POU6F2: variants seen among roughly 807,000 people sequenced by gnomAD.
POU6F2 encodes the protein POU domain, class 6, transcription factor 2.
In POU6F2, 31 loss-of-function variants were observed where a neutral mutation model predicts 71.3. That is an observed-to-expected ratio of 0.43 (90% CI 0.33 to 0.59). The LOEUF (loss-of-function observed/expected upper bound fraction) is 0.59. POU6F2 is among the 20% of genes least tolerant of loss of function. The pLI, the probability that POU6F2 is intolerant of heterozygous loss-of-function variation, is 0.04. For missense variants in POU6F2, 783 were observed against 856.8 expected, an observed-to-expected ratio of 0.91 and a Z score of 1.07; for synonymous variants, 347 against 355.7, an observed-to-expected ratio of 0.98 and a Z score of 0.27.
intron 5 of POU6F2, among the ~76,000 whole-genome samples, chr7:39,405,703 A>G (rs541386674): frequency 6.6e-6 from 1 of 152,334 alleles, no homozygotes; most frequent in African/African-American, 2.4e-5. Context: ...TTGAAGCCAC[A>G]CTTCTGCCTC....
At chr7:39,335,128 A>G (rs1785740427) in intron 4 of POU6F2, among the ~76,000 whole-genome samples, 1 of 152,180 alleles carries the variant, frequency 6.6e-6, no homozygotes, top group Non-Finnish European at 1.5e-5. Flanking sequence ...CTTACCATCA[A>G]GGTAAACTAG....
chr7:39,268,003 G>C lies in POU6F2; in HGVS notation c.598+60383G>C, dbSNP rs76062245. Reference sequence around the variant, plus strand: ...GGAAGGGGTTACTCAGATTGATCCTGAAGGTGCACCCCACAGCAATCCCAC... The same window carrying C: ...GGAAGGGGTTACTCAGATTGATCCTCAAGGTGCACCCCACAGCAATCCCAC... On this transcript the variant is annotated intron_variant, in intron 4 of 9. Transcript: ENST00000518318. Among the ~76,000 whole-genome samples, 1,078 of 152,284 alleles carry C rather than the reference G, an allele frequency of 7.1e-3. 22 individuals are homozygous for C. The highest frequency in any genetic ancestry group is 0.025 in the African/African-American group (1,035 of 41,540).
At chr7:39,019,311 A>G (rs1457785786) in intron 1 of POU6F2, among the ~76,000 whole-genome samples, 1 of 152,206 alleles carries the variant, frequency 6.6e-6, no homozygotes, top group African/African-American at 2.4e-5. Context: ...TCTGAAACCA[A>G]TTTGGTCCTT....
At chr7:39,072,295 A>G (rs1162182757) in intron 1 of POU6F2, among the ~76,000 whole-genome samples, 1 of 152,222 alleles carries the variant, frequency 6.6e-6, no homozygotes, top group Admixed American at 6.5e-5. Context: ...GGGCACAGGT[A>G]CATCAGTTCA....
At chr7:39,034,682 A>G (rs1194865744) in intron 1 of POU6F2, among the ~76,000 whole-genome samples, 1 of 152,130 alleles carries the variant, frequency 6.6e-6, no homozygotes, top group Non-Finnish European at 1.5e-5. Flanking sequence ...TGAGCTTCAA[A>G]TGCGGGTTGG....
At position 39,035,721 on chromosome 7, in the gene POU6F2, CT is replaced by C. The variant is rs113214528; in HGVS notation, c.106-50128del. On this transcript the variant is annotated intron_variant, in intron 1 of 9. Coordinates refer to ENST00000518318, the MANE Select transcript of POU6F2 (RefSeq NM_001370959.1). ...TTTGCCACTGAATTGCTACTTGGTGCTTTTTTTTTTTCTCCACTCTAAAAGA... is the reference window on the plus strand; with the variant it reads ...TTTGCCACTGAATTGCTACTTGGTGCTTTTTTTTTTCTCCACTCTAAAAGA... 8.0e-3 allele frequency among the ~76,000 whole-genome samples: 1,162 copies of C among 145,146 alleles called. 9 individuals are homozygous for C. Among genetic ancestry groups the C allele is most frequent in the South Asian group, 0.015 (68 of 4,596 alleles).
chr7:39,254,200 A>G (rs562290633), intron 4 of POU6F2, among the ~76,000 whole-genome samples: 1 of 152,364 alleles, frequency 6.6e-6, no homozygotes, highest in African/African-American at 2.4e-5. Context: ...TATTTGCAGA[A>G]AAGCTGGAAG....
chr7:39,036,685 G>A (rs896141291), intron 1 of POU6F2, among the ~76,000 whole-genome samples: 1 of 151,540 alleles, frequency 6.6e-6, no homozygotes, highest in Non-Finnish European at 1.5e-5. Context: ...AAAATCTTAT[G>A]TCTTATACTC....
At chr7:39,097,296 G>A (rs745854537) in intron 2 of POU6F2, among the ~76,000 whole-genome samples, 1 of 152,074 alleles carries the variant, frequency 6.6e-6, no homozygotes, top group Non-Finnish European at 1.5e-5. Context: ...TTTGGTAGGG[G>A]CATGTTTATA....
At chr7:39,442,048 C>T (rs1788418198) in intron 7 of POU6F2, among the ~76,000 whole-genome samples, 1 of 152,242 alleles carries the variant, frequency 6.6e-6, no homozygotes, top group East Asian at 1.9e-4. Context: ...CCATTTGGCT[C>T]CTGATCCAAC....
intron 1 of POU6F2, among the ~76,000 whole-genome samples, chr7:38,987,070 T>C (rs1380897439): frequency 6.6e-6 from 1 of 152,104 alleles, no homozygotes; most frequent in African/African-American, 2.4e-5. Flanking sequence ...TCTCTTAACA[T>C]AAAAGATTTC....
chr7:39,058,706 AT>A (rs1338981780), intron 1 of POU6F2, among the ~76,000 whole-genome samples: 1 of 152,220 alleles, frequency 6.6e-6, no homozygotes, highest in Non-Finnish European at 1.5e-5. Context: ...AGAATAAATT[AT>A]TCTTTACATG....
intron 5 of POU6F2, among the ~76,000 whole-genome samples, chr7:39,375,590 G>A (rs911595725): frequency 1.3e-5 from 2 of 151,596 alleles, no homozygotes; most frequent in East Asian, 1.9e-4. Flanking sequence ...TGGGACACAG[G>A]GACTCGATGG....
intron 1 of POU6F2, among the ~76,000 whole-genome samples, chr7:39,024,090 T>C (rs565726241): frequency 6.6e-6 from 1 of 152,308 alleles, no homozygotes; most frequent in East Asian, 1.9e-4. Flanking sequence ...ATAAATTACC[T>C]TGGGCAGTAT....
chr7:39,123,941 AATATAAATTGCAT>A (rs1792094461), intron 2 of POU6F2, among the ~76,000 whole-genome samples: 1 of 152,176 alleles, frequency 6.6e-6, no homozygotes, highest in South Asian at 2.1e-4. Context: ...GCATAGATGC[AATATAAATTGCAT>A]ACCACTGTGA....
chr7:39,162,291 T>C (rs1793013243), intron 2 of POU6F2, among the ~76,000 whole-genome samples: 1 of 152,202 alleles, frequency 6.6e-6, no homozygotes, highest in Admixed American at 6.5e-5. Flanking sequence ...GATATTTTAA[T>C]TTGTATTTTA....
Position 39,430,619 on chromosome 7 carries a change from A to G in POU6F2, c.1114-2458A>G, listed in dbSNP as rs143870767. Among the ~76,000 whole-genome samples the G allele has an allele frequency of 4.2e-3, 640 of 152,334 alleles. 8 individuals carry two copies. Among genetic ancestry groups the G allele is most frequent in the African/African-American group, 0.015 (605 of 41,574 alleles). On this transcript the variant is annotated intron_variant, in intron 6 of 9. Coordinates refer to ENST00000518318, the MANE Select transcript of POU6F2 (RefSeq NM_001370959.1). ...GTATTTCATTACTGCAGAGGTGAGC[A>G]CAGGCTGGTGTCAATCTTCCCGGGA... is the stretch of plus-strand genomic sequence containing the variant.
At chr7:39,201,020 C>A (rs73126408) in intron 2 of POU6F2, among the ~76,000 whole-genome samples, 22,064 of 151,958 alleles carry the variant, frequency 0.15, 1,732 homozygotes, top group African/African-American at 0.2. Context: ...GAGTGAGATA[C>A]TGTCTCTCTC....
At chr7:39,203,135 A>G (rs150390303) in intron 2 of POU6F2, among the ~76,000 whole-genome samples, 376 of 152,322 alleles carry the variant, frequency 2.5e-3, no homozygotes, top group Non-Finnish European at 4.1e-3. Context: ...TCCATTATTT[A>G]TAAGTCTGTC....
Sources: gnomAD v4.1 joint callset for allele counts (sites outside exome capture counted in the v4.1 genomes callset) on GRCh38, gnomAD v4.1.1 for gene constraint, MANE v1.5 for transcripts, NCBI Gene and HGNC (gene_info 2026-07-23, HGNC 2026-07-21) for gene names.